The following FAF2 variants were observed in gnomAD, a reference collection of about 807,000 sequenced individuals.
FAF2 encodes FAS-associated factor 2.
FAF2 carries 9 observed loss-of-function variants against 62.3 expected under a neutral mutation model. The observed-to-expected ratio is 0.14, with a 90% CI of 0.09 to 0.25. The LOEUF is 0.25. FAF2 is among the 10% of genes least tolerant of loss of function. The pLI, the probability that FAF2 is intolerant of heterozygous loss-of-function variation, is 1.00. For synonymous variants in FAF2, 202 were observed against 198.0 expected (o/e 1.02, Z -0.17); for missense variants, 368 against 556.2 (o/e 0.66, Z 3.40).
At chr5:176,461,622 C>T (rs564271941) in intron 1 of FAF2, among the ~76,000 whole-genome samples, 21 of 151,878 alleles carry the variant, frequency 1.4e-4, no homozygotes, top group South Asian at 6.2e-4. Context: ...GCCACTCGGC[C>T]TGGCTTTTGC....
intron 1 of FAF2, among the ~76,000 whole-genome samples, chr5:176,464,350 C>T (rs1758429298): frequency 6.6e-6 from 1 of 152,140 alleles, no homozygotes; most frequent in African/African-American, 2.4e-5. Flanking sequence ...ATACAGTAAA[C>T]ATCCACACTT....
intron 1 of FAF2, among the ~76,000 whole-genome samples, chr5:176,473,023 A>G (rs570140748): frequency 3.9e-4 from 60 of 152,332 alleles, no homozygotes; most frequent in Non-Finnish European, 6.3e-4. Context: ...TCTCATGCTG[A>G]ATGTTTCTTA....
At chr5:176,456,316 C>T (rs1005404333) in intron 1 of FAF2, among the ~76,000 whole-genome samples, 1 of 152,172 alleles carries the variant, frequency 6.6e-6, no homozygotes, top group Non-Finnish European at 1.5e-5. Flanking sequence ...AGGTGATCCG[C>T]CTACCTCGGC....
intron 1 of FAF2, among the ~76,000 whole-genome samples, chr5:176,456,488 C>G (rs547350092): frequency 6.6e-6 from 1 of 152,274 alleles, no homozygotes; most frequent in East Asian, 1.9e-4. Flanking sequence ...TGAAAAGATG[C>G]TCAAATCTTT....
chr5:176,473,160 G>A (rs1561819740), intron 1 of FAF2, among the ~76,000 whole-genome samples: 1 of 152,036 alleles, frequency 6.6e-6, no homozygotes, highest in Non-Finnish European at 1.5e-5. Flanking sequence ...CTCTTTTTGT[G>A]TTCCAGGATC....
intron 1 of FAF2, among the ~76,000 whole-genome samples, chr5:176,455,671 C>T (rs1014625327): frequency 6.6e-6 from 1 of 151,806 alleles, no homozygotes; most frequent in Non-Finnish European, 1.5e-5. Context: ...ATTGCTTGAA[C>T]CTGGGAGGCA....
rs531009926 is a variant in FAF2, at chr5:176,475,426, G to A, written c.64-3762G>A. Among the ~76,000 whole-genome samples, 14 of 152,250 alleles carry A rather than the reference G, an allele frequency of 9.2e-5. No homozygotes were observed. In the South Asian group the frequency reaches 1.9e-3, roughly 20 times the overall value. ...GGATTGCAGGTGTGAGCCACTGTGCGTAGCCTAAAAGTTACTTTAGTGAGG... is the reference window on the plus strand; with the variant it reads ...GGATTGCAGGTGTGAGCCACTGTGCATAGCCTAAAAGTTACTTTAGTGAGG... On this transcript the variant is annotated intron_variant, in intron 1 of 10. Coordinates refer to ENST00000261942, the MANE Select transcript of FAF2 (RefSeq NM_014613.3).
intron 10 of FAF2, among the ~76,000 whole-genome samples, chr5:176,502,262 A>G (rs1755605004): frequency 6.6e-6 from 1 of 152,214 alleles, no homozygotes; most frequent in Non-Finnish European, 1.5e-5. Flanking sequence ...TTCTACCCTA[A>G]AAATTCTGAT....
Position 176,460,513 on chromosome 5 carries a change from C to CGTGTGTGTGT in FAF2, c.63+12074_63+12083dup, listed in dbSNP as rs747582699. The stretch of plus-strand genomic sequence containing the variant: ...CAGTGATGTTGACTATTTTTGGCCG[C>CGTGTGTGTGT]GTGTGTGTGTGTGTGTGTGTGTGTG... On this transcript the variant is annotated intron_variant, in intron 1 of 10. Transcript: ENST00000261942. Among the ~76,000 whole-genome samples, 119 of 132,654 alleles carry CGTGTGTGTGT rather than the reference C, an allele frequency of 9.0e-4. 1 individual carries two copies. The highest frequency in any genetic ancestry group is 2.9e-3 in the East Asian group (13 of 4,464). 87.0% of individuals were successfully genotyped at this position (132,654 alleles called of 152,430 possible).
rs1344601036 is a variant in FAF2, at chr5:176,508,424, G to C, written c.*1474G>C. On this transcript the variant is annotated 3_prime_UTR_variant, in exon 11 of 11. Coordinates refer to ENST00000261942, the MANE Select transcript of FAF2 (RefSeq NM_014613.3). ...TTCAGATCAACATAAAGCCTAACTTGCTGGAGTTGTAGTCTCAAGGCTTTC... is the reference window on the plus strand; with the variant it reads ...TTCAGATCAACATAAAGCCTAACTTCCTGGAGTTGTAGTCTCAAGGCTTTC... 2 of 152,174 alleles carry C rather than the reference G, an allele frequency of 1.3e-5. No individual in the cohort carries two copies. Among genetic ancestry groups the C allele is most frequent in the Non-Finnish European group, 2.9e-5 (2 of 68,030 alleles). The allele number at this position is 152,174 out of a possible 1,614,324, so 9.4% of individuals were successfully genotyped here. A position where few individuals can be genotyped will look rare whatever the true frequency, so the allele number is the denominator to read the frequency against.
intron 1 of FAF2, among the ~76,000 whole-genome samples, chr5:176,468,444 C>T (rs536065551): frequency 3.1e-4 from 47 of 151,638 alleles, no homozygotes; most frequent in Middle Eastern, 3.4e-3. Flanking sequence ...ATTAGGCGGG[C>T]GTGGTCGTGG....
At chr5:176,461,492 T>A (rs1401178042) in intron 1 of FAF2, among the ~76,000 whole-genome samples, 1 of 151,230 alleles carries the variant, frequency 6.6e-6, no homozygotes, top group East Asian at 1.9e-4. Flanking sequence ...TAATTTTTTT[T>A]ATTTTATTTT....
intron 1 of FAF2, among the ~76,000 whole-genome samples, chr5:176,454,484 A>G (rs1446580884): frequency 1.3e-5 from 2 of 148,764 alleles, no homozygotes; most frequent in African/African-American, 2.5e-5. Flanking sequence ...AGGCTGAGGC[A>G]TGGGAATCAC....
chr5:176,448,424 A>C lies in FAF2; in HGVS notation c.17A>C (p.Glu6Ala). Residue 6 changes from glutamate (E) to alanine (A), a missense_variant, in exon 1 of 11, where the codon GAG becomes GCG. Transcript: ENST00000261942. ...GGCGGCAAAATGGCGGCGCCTGAGG[A>C]GCGGGATCTAACCCAGGAGCAGACA... The part of the protein sequence containing the change: MAAPE[E>A]RDLTQEQTEK... 1 of 1,607,402 alleles carries C rather than the reference A, an allele frequency of 6.2e-7. No individual in the cohort carries two copies. The highest frequency in any genetic ancestry group is 8.5e-7 in the Non-Finnish European group (1 of 1,177,240).
At chr5:176,459,794 G>C (rs1002740950) in intron 1 of FAF2, among the ~76,000 whole-genome samples, 7 of 152,020 alleles carry the variant, frequency 4.6e-5, no homozygotes, top group Non-Finnish European at 1.5e-5. Context: ...ATTATTTGTT[G>C]CTGGGATTTG....
intron 1 of FAF2, chr5:176,453,790 T>TCA: frequency 6.6e-6 from 1 of 152,268 alleles, no homozygotes; most frequent in Non-Finnish European, 1.5e-5. Flanking sequence ...GCGCAGTGGC[T>TCA]CACACCTGTA....
In FAF2 at chr5:176,463,422, G is replaced by C. The variant is rs143239675; in HGVS notation, c.63+14952G>C. 6.5e-4 allele frequency among the ~76,000 whole-genome samples: 98 copies of C among 150,934 alleles called. 1 individual carries two copies. Among genetic ancestry groups the C allele is most frequent in the African/African-American group, 2.3e-3 (96 of 41,292 alleles). ...GGAATTAATGAAAGATAATTTATTTGGTTCCCCCAAAATCTAATTGTATTA... is the reference window on the plus strand; with the variant it reads ...GGAATTAATGAAAGATAATTTATTTCGTTCCCCCAAAATCTAATTGTATTA... On this transcript the variant is annotated intron_variant, in intron 1 of 10. Coordinates refer to ENST00000261942, the MANE Select transcript of FAF2 (RefSeq NM_014613.3).
At chr5:176,479,719 C>G (rs1406744598) in intron 2 of FAF2, among the ~76,000 whole-genome samples, 1 of 150,480 alleles carries the variant, frequency 6.6e-6, no homozygotes, top group Non-Finnish European at 1.5e-5. Context: ...TTTTTTGAGA[C>G]AAAGTCTCGC....
chr5:176,450,794 C>A (rs1258752074), intron 1 of FAF2, among the ~76,000 whole-genome samples: 1 of 152,050 alleles, frequency 6.6e-6, no homozygotes. Context: ...ACCTCGTGAT[C>A]CGCCCTCCTC....
Sources: allele counts gnomAD v4.1 joint callset (sites outside exome capture counted in the v4.1 genomes callset), GRCh38; gene constraint gnomAD v4.1.1; transcripts MANE v1.5; gene names NCBI Gene and HGNC (gene_info 2026-07-23, HGNC 2026-07-21).